The following PBX1 variants were observed in gnomAD, a reference collection of about 807,000 sequenced individuals.
The protein encoded by PBX1 is pre-B-cell leukemia transcription factor 1.
PBX1 carries 6 observed loss-of-function variants against 53.4 expected under a neutral mutation model. The ratio of observed to expected loss-of-function variants is 0.11; its 90% CI spans 0.06 to 0.22. The LOEUF is 0.22. Ranked by LOEUF, PBX1 falls within the 10% of genes least tolerant of loss-of-function variation. The pLI, the probability that PBX1 is intolerant of heterozygous loss-of-function variation, is 1.00. For missense variants in PBX1, 251 were observed against 551.4 expected, an observed-to-expected ratio of 0.46 and a Z score of 5.46; for synonymous variants, 204 against 212.3, an observed-to-expected ratio of 0.96 and a Z score of 0.34.
At chr1:164,752,882 T>C (rs1394939667) in intron 2 of PBX1, among the ~76,000 whole-genome samples, 1 of 152,216 alleles carries the variant, frequency 6.6e-6, no homozygotes, top group Non-Finnish European at 1.5e-5. Context: ...GGAGAATGTA[T>C]ATTGAATCCC....
intron 2 of PBX1, among the ~76,000 whole-genome samples, chr1:164,606,183 C>T (rs1308885689): frequency 2.0e-5 from 3 of 152,212 alleles, no homozygotes; most frequent in Non-Finnish European, 4.4e-5. Context: ...CTTTCAGTCT[C>T]TCCAATAAAT....
chr1:164,692,626 A>G (rs1416619404), intron 2 of PBX1, among the ~76,000 whole-genome samples: 1 of 152,176 alleles, frequency 6.6e-6, no homozygotes, highest in Non-Finnish European at 1.5e-5. Flanking sequence ...AAAAATGGTT[A>G]TCAGTAGAGG....
At chr1:164,670,771 T>G (rs372844892) in intron 2 of PBX1, among the ~76,000 whole-genome samples, 2 of 152,184 alleles carry the variant, frequency 1.3e-5, no homozygotes, top group East Asian at 1.9e-4. Flanking sequence ...GCAAGGCTTC[T>G]TGTAAACCAA....
chr1:164,857,034 A>G (rs563653461), intron 2 of PBX1, among the ~76,000 whole-genome samples: 62 of 152,184 alleles, frequency 4.1e-4, no homozygotes, highest in African/African-American at 1.4e-3. Flanking sequence ...CCCAAAACCA[A>G]CTAGGTGTCC....
chr1:164,690,045 C>T (rs537738344), intron 2 of PBX1, among the ~76,000 whole-genome samples: 98 of 152,266 alleles, frequency 6.4e-4, no homozygotes, highest in African/African-American at 1.0e-3. Flanking sequence ...ATGCTGCTTG[C>T]GATGTTATTG....
At chr1:164,677,662 G>A (rs778444527) in intron 2 of PBX1, among the ~76,000 whole-genome samples, 1 of 152,122 alleles carries the variant, frequency 6.6e-6, no homozygotes, top group Non-Finnish European at 1.5e-5. Flanking sequence ...ATTGAGAGGA[G>A]GTAGGGATGG....
chr1:164,600,231 TA>T (rs1227495236), intron 2 of PBX1, among the ~76,000 whole-genome samples: 1 of 145,766 alleles, frequency 6.9e-6, no homozygotes, highest in African/African-American at 2.5e-5. Context: ...ATTAAGAGCC[TA>T]AAGTATGCTG....
chr1:164,593,496 C>G (rs1054172147), intron 2 of PBX1, among the ~76,000 whole-genome samples: 1 of 152,128 alleles, frequency 6.6e-6, no homozygotes. Context: ...TCAGAGAGTC[C>G]TGGTTGTAAA....
At chr1:164,612,451 G>A (rs931948293) in intron 2 of PBX1, among the ~76,000 whole-genome samples, 12 of 152,130 alleles carry the variant, frequency 7.9e-5, no homozygotes, top group Admixed American at 7.2e-4. Context: ...GCCACCTCTC[G>A]TAGCTCTGGT....
At chr1:164,581,259 ACT>A (rs1654599397) in intron 2 of PBX1, among the ~76,000 whole-genome samples, 1 of 139,708 alleles carries the variant, frequency 7.2e-6, no homozygotes, top group South Asian at 2.3e-4. Flanking sequence ...ATGGAGTCTC[ACT>A]CTGTCACCCA....
chr1:164,841,740 T>C (rs1671302492), intron 8 of PBX1, among the ~76,000 whole-genome samples: 1 of 152,126 alleles, frequency 6.6e-6, no homozygotes, highest in Non-Finnish European at 1.5e-5. Context: ...AGCTGATGTC[T>C]CCCTGATATA....
At chr1:164,657,090 T>C (rs1660212664) in intron 2 of PBX1, 2 of 151,868 alleles carry the variant, frequency 1.3e-5, no homozygotes. Flanking sequence ...AACAATGGAG[T>C]GTATTGGTAC....
chr1:164,592,851 T>C (rs1655489682), intron 2 of PBX1, among the ~76,000 whole-genome samples: 2 of 152,156 alleles, frequency 1.3e-5, no homozygotes, highest in African/African-American at 4.8e-5. Flanking sequence ...GGGTTTTCTG[T>C]CGTGAGCACT....
At chr1:164,843,242 G>A (rs1183333311) in intron 8 of PBX1, among the ~76,000 whole-genome samples, 1 of 152,140 alleles carries the variant, frequency 6.6e-6, no homozygotes, top group Non-Finnish European at 1.5e-5. Flanking sequence ...GTCCTATAAA[G>A]CACCTCTAGA....
chr1:164,746,228 G>C (rs1665884132), intron 2 of PBX1, among the ~76,000 whole-genome samples: 1 of 152,196 alleles, frequency 6.6e-6, no homozygotes, highest in African/African-American at 2.4e-5. Context: ...AGACTGTATA[G>C]GGTATAGTTA....
chr1:164,727,240 C>T (rs953557806), intron 2 of PBX1, among the ~76,000 whole-genome samples: 1 of 152,150 alleles, frequency 6.6e-6, no homozygotes, highest in East Asian at 1.9e-4. Flanking sequence ...AATGTGTGCC[C>T]TTAATATCTG....
At chr1:164,692,338 GTCAC>G (rs1010796829) in intron 2 of PBX1, among the ~76,000 whole-genome samples, 1 of 152,146 alleles carries the variant, frequency 6.6e-6, no homozygotes, top group Admixed American at 6.5e-5. Flanking sequence ...TTTTTATGCT[GTCAC>G]TCAGCCCATT....
In PBX1 at chr1:164,590,382, C is replaced by A. The variant is rs190847574; in HGVS notation, c.265+27071C>A. The A allele has an allele frequency of 1.1e-3, 495 of 456,028 alleles. 4 individuals carry two copies. The highest frequency in any genetic ancestry group is 9.2e-3 in the African/African-American group (463 of 50,156). The allele number at this position is 456,028 out of a possible 1,614,324, so 28.2% of individuals were successfully genotyped here. ...TTGTTTTCTTTGTGCTCTGGACTTGCTCACTTGCACTGCTTGCTTCTTCCC... is the reference window on the plus strand; with the variant it reads ...TTGTTTTCTTTGTGCTCTGGACTTGATCACTTGCACTGCTTGCTTCTTCCC... On this transcript the variant is annotated intron_variant, in intron 2 of 8. Transcript: ENST00000420696.
In PBX1 at chr1:164,847,506, T is replaced by C; in HGVS notation, c.*830T>C. On this transcript the variant is annotated 3_prime_UTR_variant, in exon 9 of 9. Coordinates refer to ENST00000420696, the MANE Select transcript of PBX1 (RefSeq NM_002585.4). ...AGACCATTCAGCACTGAGAAAGCAA[T>C]ATTTAGAACCTATTGCAAAACTGGG... The C allele has an allele frequency of 9.4e-7, 1 of 1,061,946 alleles. No homozygotes were observed. Among genetic ancestry groups the C allele is most frequent in the South Asian group, 4.6e-5 (1 of 21,936 alleles). 65.8% of individuals were successfully genotyped at this position (1,061,946 alleles called of 1,614,324 possible). A position where few individuals can be genotyped will look rare whatever the true frequency, so the allele number is the denominator to read the frequency against.
Sources: allele counts gnomAD v4.1 joint callset (sites outside exome capture counted in the v4.1 genomes callset), GRCh38; gene constraint gnomAD v4.1.1; transcripts MANE v1.5; gene names NCBI Gene and HGNC (gene_info 2026-07-23, HGNC 2026-07-21).